Variants in NAV1 observed in about 807,000 individuals in gnomAD.
NAV1 encodes pore membrane and/or filament interacting like protein 3.
A neutral mutation model predicts 175.2 loss-of-function variants in NAV1; 18 were observed. That is an observed-to-expected ratio of 0.10 (90% confidence interval 0.07 to 0.15). The LOEUF (loss-of-function observed/expected upper bound fraction) is 0.15. NAV1 is among the 10% of genes least tolerant of loss of function. NAV1 has a pLI of 1.00. For missense variants in NAV1, 1,731 were observed against 2,436.6 expected, an observed-to-expected ratio of 0.71 and a Z score of 6.10; for synonymous variants, 897 against 978.7, an observed-to-expected ratio of 0.92 and a Z score of 1.56.
At chr1:201,668,951 G>T (rs1010477560) in intron 1 of NAV1, among the ~76,000 whole-genome samples, 1 of 152,152 alleles carries the variant, frequency 6.6e-6, no homozygotes, top group African/African-American at 2.4e-5. Flanking sequence ...GTCCTTGGAT[G>T]GGTTTTCTAG....
chr1:201,629,359 C>T, intron 1 of NAV1, 45 bp from the exon 4 acceptor site: 1 of 1,245,996 alleles, frequency 8.0e-7, no homozygotes, highest in Non-Finnish European at 1.1e-6. Flanking sequence ...GCTTAGAGAC[C>T]AGGACATCTC....
At chr1:201,687,729 G>A (rs1190159784) in intron 1 of NAV1, among the ~76,000 whole-genome samples, 2 of 152,162 alleles carry the variant, frequency 1.3e-5, no homozygotes, top group East Asian at 1.9e-4. Context: ...ATATTGGTTC[G>A]GAGTCAACTA....
At chr1:201,665,501 C>T (rs939664637) in intron 1 of NAV1, among the ~76,000 whole-genome samples, 2 of 151,976 alleles carry the variant, frequency 1.3e-5, no homozygotes, top group African/African-American at 4.8e-5. Context: ...TGTAGGAAAC[C>T]ACTAGATGCA....
intron 2 of NAV1, among the ~76,000 whole-genome samples, chr1:201,608,546 T>C (rs551565768): frequency 8.5e-4 from 129 of 152,328 alleles, no homozygotes; most frequent in African/African-American, 3.0e-3. Context: ...AGGCAGTTGC[T>C]CTCCTGGGTC....
In NAV1 at chr1:201,541,772, CT is replaced by C. The variant is rs368548164; in HGVS notation, c.-144+2438del. On this transcript the variant is annotated intron_variant, in intron 1 of 33. Transcript: ENST00000685211. Reference sequence around the variant, plus strand: ...CTGGGGGCCAAGAGTGAAACTCCATCTTTTTTTTAAAGGAGTGCTGTTTTTC... The same window carrying C: ...CTGGGGGCCAAGAGTGAAACTCCATCTTTTTTTAAAGGAGTGCTGTTTTTC... Among the ~76,000 whole-genome samples, 295 of 152,112 alleles carry C rather than the reference CT, an allele frequency of 1.9e-3. 1 individual carries two copies. The highest frequency in any genetic ancestry group is 6.5e-3 in the African/African-American group (268 of 41,494).
intron 1 of NAV1, among the ~76,000 whole-genome samples, chr1:201,575,368 G>A (rs759502583): frequency 2.0e-5 from 3 of 152,162 alleles, no homozygotes; most frequent in Non-Finnish European, 4.4e-5. Flanking sequence ...GAACTGCTGA[G>A]CTATAGGATC....
chr1:201,819,739 C>A, intron 29 of NAV1, 98 bp from the exon 34 acceptor site: 2 of 1,027,718 alleles, frequency 1.9e-6, no homozygotes, highest in Non-Finnish European at 3.0e-6. Flanking sequence ...TCCACCTTGG[C>A]CTCCCAAAGT....
intron 1 of NAV1, among the ~76,000 whole-genome samples, chr1:201,546,103 G>A (rs1441951144): frequency 2.0e-5 from 3 of 152,150 alleles, no homozygotes; most frequent in Non-Finnish European, 2.9e-5. Context: ...ACACGGTTAG[G>A]GGGCCCCAGC....
intron 15 of NAV1, chr1:201,796,413 C>G (rs895011768): frequency 6.6e-6 from 1 of 152,212 alleles, no homozygotes; most frequent in African/African-American, 2.4e-5. Context: ...ACCTCCGCCT[C>G]CCAGGTTCAA....
chr1:201,571,777 A>G (rs759223512), intron 1 of NAV1, among the ~76,000 whole-genome samples: 9 of 152,260 alleles, frequency 5.9e-5, no homozygotes, highest in Non-Finnish European at 1.3e-4. Context: ...GGGATTACAT[A>G]GGAATTTAAC....
intron 3 of NAV1, among the ~76,000 whole-genome samples, chr1:201,771,491 C>A (rs1234835931): frequency 1.7e-5 from 2 of 120,846 alleles, no homozygotes; most frequent in East Asian, 2.6e-4. Flanking sequence ...AAGAGCAAGA[C>A]TTCGTCTAGA....
intron 3 of NAV1, among the ~76,000 whole-genome samples, chr1:201,734,694 A>ACACACACAAACACACACACACT (rs1673037464): frequency 4.6e-5 from 7 of 151,966 alleles, no homozygotes; most frequent in Admixed American, 4.6e-4. Context: ...GAGGGTTTGT[A>ACACACACAAACACACACACACT]CACACACAAA....
chr1:201,812,696 G>T lies in NAV1; in HGVS notation c.5221+35G>T. 6.3e-7 allele frequency: 1 copy of T among 1,594,456 alleles called. No individual in the cohort carries two copies. Among genetic ancestry groups the T allele is most frequent in the Non-Finnish European group, 8.6e-7 (1 of 1,164,350 alleles). On this transcript the variant is annotated intron_variant, in intron 27 of 29. Transcript: ENST00000367296. The surrounding 1 kb of genome is among the most constrained non-coding windows in gnomAD (Gnocchi z 4.6). Reference sequence around the variant, plus strand: ...TCCAGCTTCCCCCGGGGGTCAGGAGGTGGCTTCCCTTTTCCACTGTACCAC... The same window carrying T: ...TCCAGCTTCCCCCGGGGGTCAGGAGTTGGCTTCCCTTTTCCACTGTACCAC...
upstream of NAV1, among the ~76,000 whole-genome samples, chr1:201,644,999 A>G (rs1301181395): frequency 2.0e-5 from 3 of 152,186 alleles, no homozygotes; most frequent in Non-Finnish European, 4.4e-5. Context: ...CAGAGCAACA[A>G]ATGGAATCAT....
At chr1:201,794,560 C>T (rs932659518) in exon 15 of NAV1, 1 of 1,613,688 alleles carries the variant, frequency 6.2e-7, no homozygotes, top group Non-Finnish European at 8.5e-7. Context: ...CTTAATGCCT[C>T]AGAAACCACA....
rs573790010 is a variant in NAV1 at position 201,714,778 on chromosome 1, G to A, written c.860+1859G>A. 2.6e-5 allele frequency among the ~76,000 whole-genome samples: 4 copies of A among 152,332 alleles called. No homozygotes were observed. In the East Asian group the frequency reaches 7.7e-4, roughly 29 times the overall value. On this transcript the variant is annotated intron_variant, in intron 2 of 29. Transcript: ENST00000367296. ...AGACACCAGAAAGTGCTTAGTTGCT[G>A]AGAGGGCCACACCCCAAATGACTCA...
At chr1:201,800,767 T>C (rs1292112048) in intron 15 of NAV1, among the ~76,000 whole-genome samples, 1 of 151,816 alleles carries the variant, frequency 6.6e-6, no homozygotes, top group Non-Finnish European at 1.5e-5. Flanking sequence ...TGGATACGTA[T>C]ATTCATTTTT....
At chr1:201,711,497 C>T (rs1442302712) in intron 1 of NAV1, among the ~76,000 whole-genome samples, 2 of 152,142 alleles carry the variant, frequency 1.3e-5, no homozygotes, top group African/African-American at 2.4e-5. Context: ...TTCCCTTTGG[C>T]AGCTAAAAAA....
At chr1:201,541,904 C>A (rs1334891589) in intron 1 of NAV1, among the ~76,000 whole-genome samples, 1 of 152,184 alleles carries the variant, frequency 6.6e-6, no homozygotes, top group Non-Finnish European at 1.5e-5. Flanking sequence ...AATCTCCTAT[C>A]CATCTTTTAC....
Sources: allele counts gnomAD v4.1 joint callset (sites outside exome capture counted in the v4.1 genomes callset), GRCh38; gene constraint gnomAD v4.1.1; non-coding constraint Gnocchi (gnomAD v3.1); transcripts MANE v1.5; gene names NCBI Gene and HGNC (gene_info 2026-07-23, HGNC 2026-07-21).